The following KLHL22 variants were observed in gnomAD, a reference collection of about 807,000 sequenced individuals.
KLHL22 encodes the protein kelch-like protein 22.
In KLHL22, 18 loss-of-function variants were observed where a neutral mutation model predicts 60.7. The observed-to-expected ratio is 0.30, with a 90% CI of 0.20 to 0.44. The LOEUF (loss-of-function observed/expected upper bound fraction) is 0.44, where lower values mean the gene tolerates loss of function less well. Among genes scored for constraint, KLHL22 ranks in the 20% least tolerant of loss-of-function variants. KLHL22 has a pLI of 1.00. For synonymous variants in KLHL22, 355 were observed against 354.5 expected (o/e 1.00, Z -0.01); for missense variants, 596 against 852.3 (o/e 0.70, Z 3.74).
chr22:20,473,840 A>T (rs906122263), intron 2 of KLHL22, among the ~76,000 whole-genome samples: 2 of 152,048 alleles, frequency 1.3e-5, no homozygotes, highest in African/African-American at 4.8e-5. Context: ...GTGCCATTGC[A>T]CTCCAGCCTG....
chr22:20,489,731 C>T (rs1245865593), intron 1 of KLHL22: 1 of 471,240 alleles, frequency 2.1e-6, no homozygotes, highest in Non-Finnish European at 4.4e-6. Flanking sequence ...AAATTGGGTT[C>T]TTCCTCATAG....
At chr22:20,451,478 C>T (rs886380783) in intron 5 of KLHL22, 6 of 1,598,956 alleles carry the variant, frequency 3.8e-6, no homozygotes, top group South Asian at 1.1e-5. Flanking sequence ...GGACACTGGA[C>T]TAATGTTACA....
Position 20,465,419 on chromosome 22 carries a change from C to T in KLHL22, c.551G>A (p.Arg184Gln), listed in dbSNP as rs758974070. The change falls in exon 4 of 7, where the codon CGG (arginine) becomes CAG (glutamine). Residue 184 changes from arginine (R) to glutamine (Q), a missense_variant. Transcript: ENST00000328879. This position sits in a 1 kb window ranked among gnomAD's most constrained non-coding sequence, Gnocchi z 4.9. ...YILKNFVAFSRTDKYRQLPLE... is the reference protein window; with the variant it reads ...YILKNFVAFSQTDKYRQLPLE... ...TGGAAGCTGGCGGTACTTGTCAGTC[C>T]GAGAGAAGGCCACAAAGTTTTTGAG... The T allele has an allele frequency of 4.3e-6, 7 of 1,613,970 alleles. No homozygotes were observed. The highest frequency in any genetic ancestry group is 2.2e-5 in the South Asian group (2 of 91,074).
chr22:20,471,102 G>C (rs916762795), intron 3 of KLHL22, among the ~76,000 whole-genome samples: 2 of 152,108 alleles, frequency 1.3e-5, no homozygotes, highest in Non-Finnish European at 2.9e-5. Context: ...GGGAGACTCA[G>C]ACAGTGGGGA....
chr22:20,450,384 A>T lies in KLHL22; in HGVS notation c.1306-3708T>A, dbSNP rs148552265. On this transcript the variant is annotated intron_variant, in intron 5 of 6. Transcript: ENST00000328879. ...GCCTCTACCATGGAAATTTTATTGGACTTTGTGTACACGGAAACAGTACAT... is the reference window on the plus strand; with the variant it reads ...GCCTCTACCATGGAAATTTTATTGGTCTTTGTGTACACGGAAACAGTACAT... 4 of 1,452,038 alleles carry T rather than the reference A, an allele frequency of 2.8e-6. No homozygotes were observed. In the South Asian group the frequency reaches 3.4e-5, roughly 12 times the overall value. The allele number at this position is 1,452,038 out of a possible 1,614,324, so 89.9% of individuals were successfully genotyped here. A position where few individuals can be genotyped will look rare whatever the true frequency, so the allele number is the denominator to read the frequency against.
chr22:20,490,044 A>G (rs2053658203), intron 1 of KLHL22, among the ~76,000 whole-genome samples: 1 of 152,226 alleles, frequency 6.6e-6, no homozygotes, highest in Admixed American at 6.5e-5. Flanking sequence ...CACTTTTGCC[A>G]TGGAGCAACC....
intron 2 of KLHL22, among the ~76,000 whole-genome samples, chr22:20,486,541 G>C (rs886369171): frequency 6.6e-6 from 1 of 151,976 alleles, no homozygotes; most frequent in African/African-American, 2.4e-5. Flanking sequence ...CTCTACCCTT[G>C]CCCATATCAA....
intron 5 of KLHL22, among the ~76,000 whole-genome samples, chr22:20,453,258 TTC>T (rs1477474228): frequency 4.6e-5 from 7 of 151,142 alleles, no homozygotes; most frequent in East Asian, 1.9e-4. Context: ...GATTTTCTTC[TTC>T]TTTTTTTCTA....
At chr22:20,453,937 G>A (rs2053021790) in intron 5 of KLHL22, among the ~76,000 whole-genome samples, 1 of 152,050 alleles carries the variant, frequency 6.6e-6, no homozygotes, top group Non-Finnish European at 1.5e-5. Flanking sequence ...GTTTCACCAT[G>A]TTGGCCAGGC....
intron 5 of KLHL22, 24 bp downstream of exon 5, chr22:20,457,784 G>T (rs377364384): frequency 1.3e-6 from 2 of 1,546,030 alleles, no homozygotes; most frequent in East Asian, 2.4e-5. Context: ...GCAGGAGAAG[G>T]CCCCTCTTCG....
At chr22:20,462,241 C>T (rs1280365529) in intron 4 of KLHL22, among the ~76,000 whole-genome samples, 3 of 137,532 alleles carry the variant, frequency 2.2e-5, no homozygotes, top group Non-Finnish European at 4.5e-5. Flanking sequence ...CGTGCCACTG[C>T]ACTCCAGCCT....
chr22:20,468,088 C>G (rs1464948199), intron 3 of KLHL22, among the ~76,000 whole-genome samples: 5 of 150,302 alleles, frequency 3.3e-5, no homozygotes, highest in Admixed American at 2.6e-4. Flanking sequence ...GGTATGTGCC[C>G]TACATGAGGT....
chr22:20,450,456 T>G, intron 5 of KLHL22: 1 of 1,603,284 alleles, frequency 6.2e-7, no homozygotes. Flanking sequence ...CCTGTCTGCT[T>G]CAGTTGAAAG....
At position 20,449,353 on chromosome 22, in the gene KLHL22, C is replaced by T. The variant is rs367901303; in HGVS notation, c.1306-2677G>A. ...GGGATTACAGGTGTGAGCCACCGTG[C>T]CCGGCTTCTTTTGCCCTCTTTTTAA... On this transcript the variant is annotated intron_variant, in intron 5 of 6. Transcript: ENST00000328879. Among the ~76,000 whole-genome samples, 35 of 151,930 alleles carry T rather than the reference C, an allele frequency of 2.3e-4. No homozygotes were observed. In the South Asian group the frequency reaches 3.3e-3, roughly 14 times the overall value.
At chr22:20,463,843 C>A (rs914927009) in intron 4 of KLHL22, among the ~76,000 whole-genome samples, 2 of 152,232 alleles carry the variant, frequency 1.3e-5, no homozygotes, top group African/African-American at 4.8e-5. Flanking sequence ...TGAGAAATGG[C>A]CTTCTCCTCC....
intron 5 of KLHL22, among the ~76,000 whole-genome samples, chr22:20,455,962 G>A (rs2053056776): frequency 6.6e-6 from 1 of 152,176 alleles, no homozygotes; most frequent in Admixed American, 6.5e-5. Flanking sequence ...CTCTGACTCG[G>A]CCTTCAGAAT....
chr22:20,490,129 C>T (rs1294294568), intron 1 of KLHL22, among the ~76,000 whole-genome samples: 1 of 152,194 alleles, frequency 6.6e-6, no homozygotes, highest in Non-Finnish European at 1.5e-5. Context: ...GGCCAAGCTG[C>T]AGGCTCTGTA....
At chr22:20,450,295 G>T (rs1398104188) in intron 5 of KLHL22, 1 of 1,049,742 alleles carries the variant, frequency 9.5e-7, no homozygotes. Context: ...GATTACTTCT[G>T]TGCCATGTTC....
chr22:20,458,194 C>A (rs1468985022), intron 4 of KLHL22, among the ~76,000 whole-genome samples, 194 bp from the exon 5 acceptor site: 1 of 152,078 alleles, frequency 6.6e-6, no homozygotes, highest in African/African-American at 2.4e-5. Flanking sequence ...ACAGGTGCTC[C>A]CCACCACACA....
Sources: allele counts gnomAD v4.1 joint callset (sites outside exome capture counted in the v4.1 genomes callset), GRCh38; gene constraint gnomAD v4.1.1; non-coding constraint Gnocchi (gnomAD v3.1); transcripts MANE v1.5; gene names NCBI Gene and HGNC (gene_info 2026-07-23, HGNC 2026-07-21).